CAMSAP2: variants seen among roughly 807,000 people sequenced by gnomAD.
CAMSAP2 encodes calmodulin-regulated spectrin-associated protein 2.
In CAMSAP2, 26 loss-of-function variants were observed where a neutral mutation model predicts 146.1. The ratio of observed to expected loss-of-function variants is 0.18; its 90% CI spans 0.13 to 0.25. CAMSAP2 has a LOEUF of 0.25. CAMSAP2 is among the 10% of genes least tolerant of loss of function. CAMSAP2 has a pLI of 1.00. For missense variants in CAMSAP2, 1,381 were observed against 1,759.3 expected, an observed-to-expected ratio of 0.78 and a Z score of 3.85; for synonymous variants, 499 against 596.6, an observed-to-expected ratio of 0.84 and a Z score of 2.38.
intron 7 of CAMSAP2, among the ~76,000 whole-genome samples, chr1:200,844,003 C>T (rs1249379832): frequency 6.6e-6 from 1 of 152,032 alleles, no homozygotes; most frequent in Non-Finnish European, 1.5e-5. Flanking sequence ...TCCTGAGTAG[C>T]TGGGACAACA....
chr1:200,842,184 TA>T (rs1185710408), intron 7 of CAMSAP2, 97 bp downstream of exon 7: 4 of 883,662 alleles, frequency 4.5e-6, no homozygotes, highest in East Asian at 2.6e-5. Flanking sequence ...ATCAGCCTAT[TA>T]TTTTTTTTTT....
At chr1:200,766,232 C>T (rs1157405492) in intron 2 of CAMSAP2, among the ~76,000 whole-genome samples, 1 of 151,788 alleles carries the variant, frequency 6.6e-6, no homozygotes, top group African/African-American at 2.4e-5. Flanking sequence ...TAGCCTCGAC[C>T]TGCAGGGCTC....
rs555515927 is a variant in CAMSAP2 at position 200,809,191 on chromosome 1, T to C, written c.561+1654T>C. Among the ~76,000 whole-genome samples the C allele has an allele frequency of 8.5e-5, 13 of 152,348 alleles. No individual in the cohort carries two copies. In the East Asian group the frequency reaches 2.5e-3, roughly 29 times the overall value. ...CCTTATCTTTTCTTGAGACCAGAGA[T>C]GGGAAGGCTTTAGGTGGGAATTATC... On this transcript the variant is annotated intron_variant, in intron 3 of 16. Coordinates refer to ENST00000358823, the MANE Select transcript of CAMSAP2 (RefSeq NM_203459.4).
At chr1:200,817,397 A>G (rs1033753695) in intron 4 of CAMSAP2, among the ~76,000 whole-genome samples, 3 of 152,154 alleles carry the variant, frequency 2.0e-5, no homozygotes, top group Middle Eastern at 3.4e-3. Flanking sequence ...CTTCTCTGAA[A>G]ATTTAGTTGT....
At chr1:200,850,654 A>G (rs1571832102) in intron 11 of CAMSAP2, among the ~76,000 whole-genome samples, 1 of 152,212 alleles carries the variant, frequency 6.6e-6, no homozygotes, top group East Asian at 1.9e-4. Context: ...AGGAAGGGAA[A>G]CAAAGGGGAA....
At chr1:200,761,237 A>G in intron 2 of CAMSAP2, 139 bp downstream of exon 2, 1 of 813,128 alleles carries the variant, frequency 1.2e-6, no homozygotes, top group Non-Finnish European at 1.9e-6. Context: ...TCTTTTTCTT[A>G]ACCTTGTTTC....
chr1:200,799,428 ATTTC>A (rs970383604), intron 2 of CAMSAP2, among the ~76,000 whole-genome samples: 8 of 152,122 alleles, frequency 5.3e-5, no homozygotes, highest in African/African-American at 1.9e-4. Context: ...GAATTTATCC[ATTTC>A]TTCTAGATTT....
rs576577459 is a variant in CAMSAP2, at chr1:200,751,572, AATATGAGGCT to A, written c.140-9264_140-9255del. Among the ~76,000 whole-genome samples, 107 of 151,312 alleles carry A rather than the reference AATATGAGGCT, an allele frequency of 7.1e-4. 2 individuals are homozygous for A. In the East Asian group the frequency reaches 0.021, roughly 29 times the overall value. On this transcript the variant is annotated intron_variant, in intron 1 of 16. Coordinates refer to ENST00000358823, the MANE Select transcript of CAMSAP2 (RefSeq NM_203459.4). ...AAAAAAAAAAAAAGCTACAAGCTAC[AATATGAGGCT>A]ATGGTAAAGGCAGGGACCAGACTAC...
chr1:200,782,374 G>A (rs1230332847), intron 2 of CAMSAP2, among the ~76,000 whole-genome samples: 1 of 152,042 alleles, frequency 6.6e-6, no homozygotes, highest in Non-Finnish European at 1.5e-5. Flanking sequence ...TTTTGACAAA[G>A]GTATGCACTC....
intron 9 of CAMSAP2, 39 bp from the exon 10 acceptor site, chr1:200,847,601 T>A: frequency 6.5e-7 from 1 of 1,528,784 alleles, no homozygotes; most frequent in East Asian, 2.3e-5. Context: ...TTAATTTTTT[T>A]ACATGATTTC....
chr1:200,828,507 G>T (rs1666959822), intron 4 of CAMSAP2: 2 of 1,459,154 alleles, frequency 1.4e-6, no homozygotes, highest in Non-Finnish European at 1.9e-6. Flanking sequence ...GTTAATTGAA[G>T]ATAATTCTGA....
At chr1:200,750,903 T>C (rs1307297891) in intron 1 of CAMSAP2, among the ~76,000 whole-genome samples, 5 of 8,586 alleles carry the variant, frequency 5.8e-4, no homozygotes, top group Admixed American at 3.8e-3. Context: ...GCGCCTGCCT[T>C]TTTTTTTTTT....
intron 2 of CAMSAP2, among the ~76,000 whole-genome samples, chr1:200,777,621 T>C (rs1340148668): frequency 6.9e-6 from 1 of 145,018 alleles, no homozygotes; most frequent in African/African-American, 2.6e-5. Context: ...CAGCTTATTT[T>C]TATATAATGG....
At chr1:200,795,799 G>A (rs554049208) in intron 2 of CAMSAP2, among the ~76,000 whole-genome samples, 48 of 152,302 alleles carry the variant, frequency 3.2e-4, no homozygotes, top group African/African-American at 1.1e-3. Flanking sequence ...ATAAACAGAT[G>A]AAAGAGAACT....
chr1:200,834,693 C>T lies in CAMSAP2; in HGVS notation c.927+1848C>T, dbSNP rs139787541. On this transcript the variant is annotated intron_variant, in intron 6 of 16. Coordinates refer to ENST00000358823, the MANE Select transcript of CAMSAP2 (RefSeq NM_203459.4). ...CTTTGGGAGGACAAGGCAGGAGGAT[C>T]GCTTCAGTCCAGGAGTTTGAGACCG... is the stretch of plus-strand genomic sequence containing the variant. Among the ~76,000 whole-genome samples the T allele has an allele frequency of 8.0e-3, 1,213 of 152,286 alleles. 13 individuals are homozygous for T. Among genetic ancestry groups the T allele is most frequent in the South Asian group, 0.028 (133 of 4,824 alleles).
chr1:200,803,788 T>C (rs1026473119), intron 2 of CAMSAP2, among the ~76,000 whole-genome samples: 2 of 152,206 alleles, frequency 1.3e-5, no homozygotes, highest in African/African-American at 4.8e-5. Flanking sequence ...CGAAGTAAAC[T>C]ATAGATTTTA....
chr1:200,750,759 G>A (rs1299594883), intron 1 of CAMSAP2, among the ~76,000 whole-genome samples: 1 of 151,752 alleles, frequency 6.6e-6, no homozygotes, highest in Non-Finnish European at 1.5e-5. Flanking sequence ...CGAGTAGCTG[G>A]GATTACAGGT....
intron 4 of CAMSAP2, among the ~76,000 whole-genome samples, chr1:200,822,661 C>G (rs1274560986): frequency 6.6e-6 from 1 of 152,080 alleles, no homozygotes; most frequent in Non-Finnish European, 1.5e-5. Flanking sequence ...TACATTAGTC[C>G]TCTTTTATCC....
At chr1:200,834,073 A>T (rs1273239683) in intron 6 of CAMSAP2, among the ~76,000 whole-genome samples, 1 of 152,202 alleles carries the variant, frequency 6.6e-6, no homozygotes, top group African/African-American at 2.4e-5. Context: ...TGTTAAAAAT[A>T]ATAATCATGG....
Sources: allele counts gnomAD v4.1 joint callset (sites outside exome capture counted in the v4.1 genomes callset), GRCh38; gene constraint gnomAD v4.1.1; transcripts MANE v1.5; gene names NCBI Gene and HGNC (gene_info 2026-07-23, HGNC 2026-07-21).